Variants in FRMD5 observed in about 807,000 individuals in gnomAD.
FRMD5 encodes the protein FERM domain-containing protein 5.
In FRMD5, 20 loss-of-function variants were observed where a neutral mutation model predicts 69.0. The observed-to-expected ratio is 0.29, with a 90% confidence interval of 0.20 to 0.42. The LOEUF is 0.42. Ranked by LOEUF, FRMD5 falls within the 10% of genes least tolerant of loss-of-function variation. FRMD5 has a pLI of 1.00. For synonymous variants in FRMD5, 271 were observed against 260.1 expected (o/e 1.04, Z -0.40); for missense variants, 595 against 708.6 (o/e 0.84, Z 1.82).
chr15:44,132,327 G>A (rs545360920), intron 1 of FRMD5, among the ~76,000 whole-genome samples: 14 of 152,302 alleles, frequency 9.2e-5, no homozygotes, highest in Middle Eastern at 3.4e-3. Flanking sequence ...ATGGCCCGTG[G>A]GTTGGGGGAC....
At chr15:43,949,843 C>T (rs1200637554) in intron 1 of FRMD5, among the ~76,000 whole-genome samples, 1 of 152,096 alleles carries the variant, frequency 6.6e-6, no homozygotes, top group South Asian at 2.1e-4. Context: ...TCTCTCAAGT[C>T]GTGCTGCATA....
chr15:44,107,166 G>A (rs755212821), intron 1 of FRMD5, among the ~76,000 whole-genome samples: 3 of 152,126 alleles, frequency 2.0e-5, no homozygotes, highest in Non-Finnish European at 4.4e-5. Context: ...CGAAATATTT[G>A]AGAAGGTTGA....
At chr15:44,094,514 T>C (rs1052250362) in intron 1 of FRMD5, among the ~76,000 whole-genome samples, 2 of 152,176 alleles carry the variant, frequency 1.3e-5, no homozygotes, top group African/African-American at 4.8e-5. Context: ...CACTAAACAG[T>C]GTGTTGGAAT....
chr15:44,097,284 C>T (rs748898499), intron 1 of FRMD5, among the ~76,000 whole-genome samples: 2 of 152,220 alleles, frequency 1.3e-5, no homozygotes, highest in Non-Finnish European at 2.9e-5. Flanking sequence ...CAGCTACCCT[C>T]ACCTGTAGGA....
rs2088891091 is a variant in FRMD5, at chr15:43,895,452, A to G, written c.640-3383T>C. Among the ~76,000 whole-genome samples, 3 of 152,254 alleles carry G rather than the reference A, an allele frequency of 2.0e-5. No individual in the cohort carries two copies. In the South Asian group the frequency reaches 6.2e-4, roughly 31 times the overall value. On this transcript the variant is annotated intron_variant, in intron 7 of 13. Transcript: ENST00000417257. ...GGCCAGGTTGCCCTGCATCCTGCAGATACCTCAGAGCTGGCCTCTGAGTGA... is the reference window on the plus strand; with the variant it reads ...GGCCAGGTTGCCCTGCATCCTGCAGGTACCTCAGAGCTGGCCTCTGAGTGA...
intron 1 of FRMD5, among the ~76,000 whole-genome samples, chr15:44,187,038 C>T (rs768961015): frequency 2.0e-5 from 3 of 152,166 alleles, no homozygotes; most frequent in Non-Finnish European, 4.4e-5. Context: ...CCATGGGTCA[C>T]ATTTCTTAAC....
At chr15:44,090,569 A>T (rs1418786986) in intron 1 of FRMD5, among the ~76,000 whole-genome samples, 1 of 151,760 alleles carries the variant, frequency 6.6e-6, no homozygotes, top group Non-Finnish European at 1.5e-5. Context: ...CCTTTCGAGT[A>T]GCTGGGATTA....
chr15:43,874,276 T>A lies in FRMD5; in HGVS notation c.1322A>T (p.Glu441Val). The change falls in exon 14 of 14, where the codon GAG (glutamate) becomes GTG (valine). Residue 441 changes from glutamate to valine, a missense_variant. Physicochemically the swap from Glu to Val is moderately radical, Grantham distance 121. This residue lies in a region of FRMD5 where 245 missense variants were observed against 227.1 expected (regional missense o/e 1.08). Coordinates refer to ENST00000417257, the MANE Select transcript of FRMD5 (RefSeq NM_032892.5). ...LPTPVAEHSLELMLLSRQING... is the reference protein window; with the variant it reads ...LPTPVAEHSLVLMLLSRQING... ...GATCTGCCGGGAAAGCAACATCAGC[T>A]CCAGGCTGTGCTCAGCCACAGGGGT... The A allele has an allele frequency of 2.5e-6, 4 of 1,614,166 alleles. No homozygotes were observed. The highest frequency in any genetic ancestry group is 3.4e-6 in the Non-Finnish European group (4 of 1,180,038).
intron 1 of FRMD5, among the ~76,000 whole-genome samples, chr15:44,155,560 TC>T (rs1319797249): frequency 6.6e-6 from 1 of 152,168 alleles, no homozygotes; most frequent in Admixed American, 6.5e-5. Flanking sequence ...AGGGTTGAAT[TC>T]TTTTATTCAC....
intron 1 of FRMD5, among the ~76,000 whole-genome samples, chr15:44,137,397 C>T (rs962633669): frequency 2.0e-5 from 3 of 152,226 alleles, no homozygotes; most frequent in Non-Finnish European, 4.4e-5. Context: ...ACACTGTAAA[C>T]GCCAAACCAC....
At chr15:44,103,037 GGA>G (rs2076663041) in intron 1 of FRMD5, among the ~76,000 whole-genome samples, 1 of 152,172 alleles carries the variant, frequency 6.6e-6, no homozygotes, top group Non-Finnish European at 1.5e-5. Flanking sequence ...GTCATGGTAG[GGA>G]GATTTTCCTC....
Position 43,872,814 on chromosome 15 carries a change from C to CTAT in FRMD5, c.*1068_*1070dup. 5.0e-6 allele frequency: 1 copy of CTAT among 198,026 alleles called. No homozygotes were observed. The highest frequency in any genetic ancestry group is 1.2e-4 in the East Asian group (1 of 8,494). The allele number at this position is 198,026 out of a possible 1,614,324, so 12.3% of individuals were successfully genotyped here. ...CTTGCATCGTTTAGTTCATCAGGCT[C>CTAT]TATTTTCTTAATCCATAAAGTAAAA... On this transcript the variant is annotated 3_prime_UTR_variant, in exon 14 of 14. Transcript: ENST00000417257.
intron 1 of FRMD5, among the ~76,000 whole-genome samples, chr15:44,073,748 G>T (rs10459588): frequency 0.87 from 131,835 of 152,084 alleles, 58,318 homozygotes; most frequent in East Asian, 0.95. Context: ...ATAAGGAGGG[G>T]GTTCCCACAT....
chr15:44,162,855 G>A (rs1234433467), intron 1 of FRMD5, among the ~76,000 whole-genome samples: 5 of 92,006 alleles, frequency 5.4e-5, no homozygotes, highest in East Asian at 7.2e-4. Context: ...CAACGAGAGC[G>A]AAACTCCGTC....
intron 1 of FRMD5, among the ~76,000 whole-genome samples, chr15:44,168,111 C>G (rs139664854): frequency 6.6e-6 from 1 of 152,164 alleles, no homozygotes; most frequent in Non-Finnish European, 1.5e-5. Context: ...GAATAATTTA[C>G]TTAACTGTTA....
intron 1 of FRMD5, among the ~76,000 whole-genome samples, chr15:44,150,315 G>C (rs1243005557): frequency 6.6e-6 from 1 of 151,838 alleles, no homozygotes; most frequent in Non-Finnish European, 1.5e-5. Flanking sequence ...AAGAGATTAT[G>C]CAAGAATAAG....
chr15:43,888,887 A>G lies in FRMD5; in HGVS notation c.729-15T>C, dbSNP rs1462573741. The G allele has an allele frequency of 1.9e-6, 3 of 1,612,072 alleles. No homozygotes were observed. The African/African-American group carries it at 4.0e-5, about 22-fold the overall frequency. On this transcript the variant is annotated splice_polypyrimidine_tract_variant and intron_variant, in intron 8 of 13. Transcript: ENST00000417257. ...TCACCTCATTCCTAGAAGCACAAAG[A>G]TAGTGCCTGTCACCTCATTGTGGGC...
chr15:44,048,682 T>C (rs562493338), intron 1 of FRMD5, among the ~76,000 whole-genome samples: 483 of 152,178 alleles, frequency 3.2e-3, no homozygotes, highest in Middle Eastern at 0.01. Flanking sequence ...AAGCGATTCT[T>C]GTGCCTCAAC....
intron 1 of FRMD5, among the ~76,000 whole-genome samples, chr15:44,145,260 G>C (rs1443562881): frequency 6.6e-6 from 1 of 152,164 alleles, no homozygotes; most frequent in Non-Finnish European, 1.5e-5. Flanking sequence ...ACTCATTTCA[G>C]TCCAAAATGG....
Sources: allele counts gnomAD v4.1 joint callset (sites outside exome capture counted in the v4.1 genomes callset), GRCh38; gene constraint gnomAD v4.1.1; regional missense constraint gnomAD v4.1.1; transcripts MANE v1.5; gene names NCBI Gene and HGNC (gene_info 2026-07-23, HGNC 2026-07-21).